Variants in GPC5 observed in about 807,000 individuals in gnomAD.
The protein encoded by GPC5 is glypican 5.
In GPC5, 47 loss-of-function variants were observed where a neutral mutation model predicts 53.9. The ratio of observed to expected loss-of-function variants is 0.87; its 90% CI spans 0.69 to 1.11. GPC5 has a LOEUF of 1.11. Among genes scored for constraint, GPC5 ranks in the 50% most tolerant of loss-of-function variants. The pLI is 0.00. For synonymous variants in GPC5, 286 were observed against 263.3 expected (o/e 1.09, Z -0.84); for missense variants, 748 against 713.1 (o/e 1.05, Z -0.56).
intron 5 of GPC5, among the ~76,000 whole-genome samples, chr13:91,804,765 G>A (rs566336399): frequency 6.6e-6 from 1 of 152,322 alleles, no homozygotes; most frequent in South Asian, 2.1e-4. Context: ...AGAGAGGCAG[G>A]TTTGGCAGGG....
intron 6 of GPC5, among the ~76,000 whole-genome samples, chr13:91,911,151 G>A (rs773975724): frequency 3.0e-4 from 45 of 152,256 alleles, no homozygotes; most frequent in Admixed American, 4.6e-4. Context: ...GTGAGTTAAA[G>A]GGAGGAGATA....
At chr13:92,695,844 C>T (rs1887541434) in intron 7 of GPC5, among the ~76,000 whole-genome samples, 1 of 151,988 alleles carries the variant, frequency 6.6e-6, no homozygotes, top group Admixed American at 6.6e-5. Flanking sequence ...GTTATTATCC[C>T]TCCCCTAGTC....
At chr13:92,409,566 A>G (rs1875952493) in intron 7 of GPC5, among the ~76,000 whole-genome samples, 1 of 152,080 alleles carries the variant, frequency 6.6e-6, no homozygotes, top group South Asian at 2.1e-4. Context: ...GATAATACAT[A>G]AAATATAAAC....
At chr13:92,751,210 T>C (rs1366399559) in intron 7 of GPC5, among the ~76,000 whole-genome samples, 1 of 149,132 alleles carries the variant, frequency 6.7e-6, no homozygotes, top group Non-Finnish European at 1.5e-5. Context: ...AGAAAGAAAA[T>C]TGTTTTTTGC....
chr13:92,845,728 T>C (rs1018935624), intron 7 of GPC5, among the ~76,000 whole-genome samples: 2 of 152,200 alleles, frequency 1.3e-5, no homozygotes, highest in African/African-American at 4.8e-5. Flanking sequence ...TATACCGATT[T>C]ACAGTAGAGG....
At chr13:91,589,288 G>A (rs2032710542) in intron 2 of GPC5, among the ~76,000 whole-genome samples, 1 of 151,298 alleles carries the variant, frequency 6.6e-6, no homozygotes. Flanking sequence ...ATATTTCTTG[G>A]GTTTCCTCCT....
intron 7 of GPC5, among the ~76,000 whole-genome samples, chr13:92,397,242 C>T (rs759019035): frequency 9.9e-5 from 15 of 151,936 alleles, no homozygotes; most frequent in Non-Finnish European, 2.1e-4. Flanking sequence ...TGGGAGGGGC[C>T]CTGTGGGAGA....
rs551160105 is a variant in GPC5 at position 92,621,427 on chromosome 13, T to C, written c.1562-244855T>C. 7.2e-5 allele frequency among the ~76,000 whole-genome samples: 11 copies of C among 152,254 alleles called. No individual in the cohort carries two copies. In the South Asian group the frequency reaches 1.9e-3, roughly 26 times the overall value. ...AAAATTCCTTTTAGTAAAGATAAATTCAACCATATTTTTTCTGCGAGGCCA... is the reference window on the plus strand; with the variant it reads ...AAAATTCCTTTTAGTAAAGATAAATCCAACCATATTTTTTCTGCGAGGCCA... On this transcript the variant is annotated intron_variant, in intron 7 of 7. Transcript: ENST00000377067.
At chr13:92,797,618 G>A (rs1463252027) in intron 7 of GPC5, among the ~76,000 whole-genome samples, 1 of 151,778 alleles carries the variant, frequency 6.6e-6, no homozygotes, top group African/African-American at 2.4e-5. Flanking sequence ...TATACTTTCT[G>A]AAATCAGCTC....
chr13:91,448,955 T>C, intron 2 of GPC5, 33 bp downstream of exon 2: 1 of 1,601,502 alleles, frequency 6.2e-7, no homozygotes, highest in South Asian at 1.1e-5. Flanking sequence ...AACTAAGGAC[T>C]GGCCGTGTTA....
At chr13:91,773,169 C>T (rs563525664) in intron 5 of GPC5, among the ~76,000 whole-genome samples, 2 of 152,178 alleles carry the variant, frequency 1.3e-5, no homozygotes, top group East Asian at 3.9e-4. Context: ...TTAAGTATTG[C>T]ATATTTCTGG....
intron 7 of GPC5, among the ~76,000 whole-genome samples, chr13:92,762,766 T>C (rs76562114): frequency 1.6e-4 from 24 of 152,248 alleles, no homozygotes; most frequent in African/African-American, 5.5e-4. Flanking sequence ...CTCTTCTTCA[T>C]TGTTTTCTTT....
intron 6 of GPC5, among the ~76,000 whole-genome samples, chr13:92,089,710 TATTA>T (rs1054428947): frequency 2.4e-4 from 36 of 152,152 alleles, no homozygotes; most frequent in Middle Eastern, 3.2e-3. Flanking sequence ...AAATATTATT[TATTA>T]ATTATTACTT....
chr13:92,033,761 C>G (rs1265094117), intron 6 of GPC5, among the ~76,000 whole-genome samples: 1 of 152,116 alleles, frequency 6.6e-6, no homozygotes, highest in Non-Finnish European at 1.5e-5. Context: ...TCAGTTTGAG[C>G]ATTGATCTTG....
chr13:91,965,652 G>T (rs1179786116), intron 6 of GPC5, among the ~76,000 whole-genome samples: 1 of 152,128 alleles, frequency 6.6e-6, no homozygotes, highest in Non-Finnish European at 1.5e-5. Context: ...ATTTAGGCCT[G>T]TCATATCCTA....
chr13:92,039,428 G>T (rs2040924383), intron 6 of GPC5, among the ~76,000 whole-genome samples: 1 of 152,148 alleles, frequency 6.6e-6, no homozygotes, highest in African/African-American at 2.4e-5. Context: ...CAGTGTAACT[G>T]TTGGAAATTT....
At chr13:91,825,309 AAT>A (rs1290550194) in intron 5 of GPC5, among the ~76,000 whole-genome samples, 2 of 152,106 alleles carry the variant, frequency 1.3e-5, no homozygotes, top group African/African-American at 4.8e-5. Context: ...AAACTGGATA[AAT>A]ATGCTTATCT....
Position 91,940,813 on chromosome 13 carries a change from G to A in GPC5, c.1401+32756G>A, listed in dbSNP as rs145835917. On this transcript the variant is annotated intron_variant, in intron 6 of 7. Transcript: ENST00000377067. Reference sequence around the variant, plus strand: ...GTTTTCATTTGAGAAGCGTCTGTTCGTGTCCTTAGCCCATTTTTTAATGGG... The same window carrying A: ...GTTTTCATTTGAGAAGCGTCTGTTCATGTCCTTAGCCCATTTTTTAATGGG... Among the ~76,000 whole-genome samples the A allele has an allele frequency of 2.5e-4, 38 of 151,920 alleles. No homozygotes were observed. The East Asian group carries it at 4.1e-3, about 16-fold the overall frequency.
At chr13:92,339,695 A>G (rs941317341) in intron 7 of GPC5, 1 of 152,124 alleles carries the variant, frequency 6.6e-6, no homozygotes, top group African/African-American at 2.4e-5. Context: ...TACCAAAACC[A>G]CTGCAAATGC....
Sources: allele counts gnomAD v4.1 joint callset (sites outside exome capture counted in the v4.1 genomes callset), GRCh38; gene constraint gnomAD v4.1.1; transcripts MANE v1.5; gene names NCBI Gene and HGNC (gene_info 2026-07-23, HGNC 2026-07-21).